The following UBE2E2 variants were observed in gnomAD, a reference collection of about 807,000 sequenced individuals.
UBE2E2 encodes the protein ubiquitin conjugating enzyme E2 E2.
In UBE2E2, 6 loss-of-function variants were observed where a neutral mutation model predicts 24.7. The ratio of observed to expected loss-of-function variants is 0.24; its 90% CI spans 0.13 to 0.48. UBE2E2 has a LOEUF of 0.48. UBE2E2 is among the 20% of genes least tolerant of loss of function. The pLI is 0.99. For missense variants in UBE2E2, 169 were observed against 245.0 expected, an observed-to-expected ratio of 0.69 and a Z score of 2.07; for synonymous variants, 104 against 83.6, an observed-to-expected ratio of 1.24 and a Z score of -1.33.
chr3:23,230,647 T>G (rs992598728), intron 3 of UBE2E2, among the ~76,000 whole-genome samples: 21 of 151,962 alleles, frequency 1.4e-4, no homozygotes, highest in African/African-American at 5.1e-4. Context: ...TTAGCCCGGC[T>G]TGGTGGTGGG....
intron 3 of UBE2E2, among the ~76,000 whole-genome samples, chr3:23,317,489 A>C (rs113421791): frequency 2.0e-5 from 3 of 152,170 alleles, no homozygotes; most frequent in African/African-American, 7.2e-5. Context: ...CTGTTTTCAC[A>C]CTGCTGATAA....
intron 3 of UBE2E2, among the ~76,000 whole-genome samples, chr3:23,242,489 T>A (rs1317940966): frequency 1.3e-5 from 2 of 150,510 alleles, no homozygotes; most frequent in Non-Finnish European, 2.9e-5. Context: ...TTTTAAATTG[T>A]TTCTACAATC....
chr3:23,442,575 A>G (rs1463261859), intron 3 of UBE2E2, among the ~76,000 whole-genome samples: 2 of 152,242 alleles, frequency 1.3e-5, no homozygotes, highest in Non-Finnish European at 2.9e-5. Context: ...TGCCTTACAT[A>G]AGGCACTGAG....
chr3:23,385,062 C>T (rs1696774701), intron 3 of UBE2E2, among the ~76,000 whole-genome samples: 1 of 152,154 alleles, frequency 6.6e-6, no homozygotes, highest in African/African-American at 2.4e-5. Flanking sequence ...TCCCAAGTAG[C>T]TGGGACCACG....
intron 3 of UBE2E2, among the ~76,000 whole-genome samples, chr3:23,394,540 A>T (rs1052167767): frequency 2.6e-5 from 4 of 152,198 alleles, no homozygotes; most frequent in Non-Finnish European, 5.9e-5. Flanking sequence ...AAACTGAGGA[A>T]GACAAAATCT....
intron 5 of UBE2E2, among the ~76,000 whole-genome samples, chr3:23,546,117 T>C (rs1288980671): frequency 1.3e-5 from 2 of 152,222 alleles, no homozygotes; most frequent in African/African-American, 4.8e-5. Flanking sequence ...AGTTTATCCA[T>C]GTAACCAGAA....
intron 3 of UBE2E2, among the ~76,000 whole-genome samples, chr3:23,362,030 A>T (rs1696129998): frequency 6.6e-6 from 1 of 152,184 alleles, no homozygotes; most frequent in Non-Finnish European, 1.5e-5. Context: ...GCTCCTTAAA[A>T]CGAATTCACT....
chr3:23,219,223 A>G (rs553737793), intron 3 of UBE2E2, among the ~76,000 whole-genome samples: 1 of 152,142 alleles, frequency 6.6e-6, no homozygotes, highest in African/African-American at 2.4e-5. Context: ...GAGAAAGGTT[A>G]TTTACCTTCG....
At chr3:23,283,911 A>G (rs1208948732) in intron 3 of UBE2E2, among the ~76,000 whole-genome samples, 1 of 152,192 alleles carries the variant, frequency 6.6e-6, no homozygotes, top group Non-Finnish European at 1.5e-5. Context: ...CTTGATTCTG[A>G]TATGTGCACA....
rs369902828 is a variant in UBE2E2, at chr3:23,579,632, C to T, written c.509-10102C>T. ...GGAGGATCACTTGAGCCCAGGATCGCGAAGTTACAGTGAACTACGATCGTA... is the reference window on the plus strand; with the variant it reads ...GGAGGATCACTTGAGCCCAGGATCGTGAAGTTACAGTGAACTACGATCGTA... On this transcript the variant is annotated intron_variant, in intron 5 of 5. Transcript: ENST00000396703. 5.4e-5 allele frequency among the ~76,000 whole-genome samples: 8 copies of T among 147,254 alleles called. No individual in the cohort carries two copies. The South Asian group carries it at 1.3e-3, about 24-fold the overall frequency.
chr3:23,286,082 G>A (rs1698608592), intron 3 of UBE2E2, among the ~76,000 whole-genome samples: 1 of 152,062 alleles, frequency 6.6e-6, no homozygotes, highest in Non-Finnish European at 1.5e-5. Flanking sequence ...GTAATCCCTT[G>A]TAGAGTGGAT....
chr3:23,334,825 A>G (rs967185650), intron 3 of UBE2E2, among the ~76,000 whole-genome samples: 1 of 152,230 alleles, frequency 6.6e-6, no homozygotes, highest in Non-Finnish European at 1.5e-5. Flanking sequence ...AGTTAGCTAT[A>G]TGATTCAGAT....
At chr3:23,343,869 T>A (rs4858070) in intron 3 of UBE2E2, among the ~76,000 whole-genome samples, 128,315 of 152,166 alleles carry the variant, frequency 0.84, 54,231 homozygotes, top group African/African-American at 0.91. Context: ...AGATTCGTAC[T>A]TATTTTATGT....
Position 23,386,682 on chromosome 3 carries a change from C to T in UBE2E2, c.228-112926C>T, listed in dbSNP as rs182611745. On this transcript the variant is annotated intron_variant, in intron 3 of 5. Coordinates refer to ENST00000396703, the MANE Select transcript of UBE2E2 (RefSeq NM_152653.4). ...TGAATTTTTACATATTAAGAGCCAT[C>T]GTCACATTATTGTTTGACAGATACT... Among the ~76,000 whole-genome samples the T allele has an allele frequency of 6.1e-4, 93 of 152,256 alleles. No homozygotes were observed. In the South Asian group the frequency reaches 6.4e-3, roughly 11 times the overall value.
intron 3 of UBE2E2, among the ~76,000 whole-genome samples, chr3:23,350,818 T>G (rs575273883): frequency 9.2e-5 from 14 of 152,304 alleles, no homozygotes; most frequent in Admixed American, 7.8e-4. Flanking sequence ...CTCTACAGGA[T>G]ATTGTCCAGG....
At chr3:23,564,557 G>A (rs1696019619) in intron 5 of UBE2E2, among the ~76,000 whole-genome samples, 1 of 152,032 alleles carries the variant, frequency 6.6e-6, no homozygotes, top group East Asian at 1.9e-4. Context: ...TTAAAATTGG[G>A]GCCTCAGCAT....
At chr3:23,567,774 C>A (rs767702842) in intron 5 of UBE2E2, among the ~76,000 whole-genome samples, 13 of 152,150 alleles carry the variant, frequency 8.5e-5, no homozygotes, top group Non-Finnish European at 1.5e-4. Flanking sequence ...TACATGAATC[C>A]ATATATTAAA....
chr3:23,351,504 GAC>G lies in UBE2E2; in HGVS notation c.227+134200_227+134201del, dbSNP rs770693575. Among the ~76,000 whole-genome samples, 11 of 152,258 alleles carry G rather than the reference GAC, an allele frequency of 7.2e-5. 1 individual carries two copies. The highest frequency in any genetic ancestry group is 2.0e-4 in the Admixed American group (3 of 15,298). ...TCAGGAAACCCATCTCATGGGCACA[GAC>G]ACACACAGGCTCAAAATAAAAGATG... On this transcript the variant is annotated intron_variant, in intron 3 of 5. Transcript: ENST00000396703.
intron 3 of UBE2E2, among the ~76,000 whole-genome samples, chr3:23,477,273 A>G (rs1386313912): frequency 6.6e-6 from 1 of 152,234 alleles, no homozygotes; most frequent in Non-Finnish European, 1.5e-5. Context: ...GAGCTTTTGT[A>G]TGATTAGTTT....
Sources: allele counts gnomAD v4.1 joint callset (sites outside exome capture counted in the v4.1 genomes callset), GRCh38; gene constraint gnomAD v4.1.1; transcripts MANE v1.5; gene names NCBI Gene and HGNC (gene_info 2026-07-23, HGNC 2026-07-21).